PLD5: variants seen among roughly 807,000 people sequenced by gnomAD.
PLD5 encodes the protein inactive phospholipase D5.
Under a neutral mutation model 61.1 loss-of-function variants are expected in PLD5, and 36 were observed. The observed-to-expected ratio is 0.59, with a 90% CI of 0.45 to 0.78. The LOEUF (loss-of-function observed/expected upper bound fraction) is 0.78, where lower values mean the gene tolerates loss of function less well. PLD5 is among the 30% of genes least tolerant of loss of function. PLD5 has a pLI of 0.00. For synonymous variants in PLD5, 243 were observed against 242.8 expected, an observed-to-expected ratio of 1.00 and a Z score of -0.01; for missense variants, 515 against 644.4, an observed-to-expected ratio of 0.80 and a Z score of 2.17.
At chr1:242,384,583 C>T (rs1184369672) in intron 1 of PLD5, among the ~76,000 whole-genome samples, 2 of 152,188 alleles carry the variant, frequency 1.3e-5, no homozygotes, top group Non-Finnish European at 2.9e-5. Context: ...AATGACGCTT[C>T]GTCTTATTCA....
chr1:242,094,666 A>G (rs1660087191), intron 9 of PLD5, among the ~76,000 whole-genome samples: 1 of 152,138 alleles, frequency 6.6e-6, no homozygotes, highest in Non-Finnish European at 1.5e-5. Flanking sequence ...TTAAAAATGT[A>G]TTATAGAGGG....
intron 1 of PLD5, among the ~76,000 whole-genome samples, chr1:242,484,401 C>A (rs1319848034): frequency 6.6e-6 from 1 of 152,140 alleles, no homozygotes; most frequent in Non-Finnish European, 1.5e-5. Flanking sequence ...CACAGAAATA[C>A]AAACTACCAT....
intron 1 of PLD5, among the ~76,000 whole-genome samples, chr1:242,502,155 T>C (rs567711128): frequency 8.3e-4 from 126 of 152,270 alleles, no homozygotes; most frequent in Non-Finnish European, 1.4e-3. Context: ...CACATCTAAC[T>C]CTTGTTAGAC....
chr1:242,132,881 T>G (rs1431756326), intron 5 of PLD5, among the ~76,000 whole-genome samples: 1 of 152,110 alleles, frequency 6.6e-6, no homozygotes, highest in Non-Finnish European at 1.5e-5. Context: ...TTAAGGATAC[T>G]GATGAGGCAG....
At chr1:242,166,423 C>A (rs76222201) in intron 5 of PLD5, among the ~76,000 whole-genome samples, 1,744 of 151,598 alleles carry the variant, frequency 0.012, 38 homozygotes, top group East Asian at 0.06. Flanking sequence ...GTTAGCTGGG[C>A]CCTCTCAAAA....
intron 5 of PLD5, among the ~76,000 whole-genome samples, chr1:242,160,034 T>C (rs1665701379): frequency 6.6e-6 from 1 of 151,954 alleles, no homozygotes; most frequent in Non-Finnish European, 1.5e-5. Context: ...TTGAGATAGA[T>C]AGGGTCTTGC....
intron 3 of PLD5, among the ~76,000 whole-genome samples, chr1:242,274,649 G>T (rs1185211457): frequency 6.6e-6 from 1 of 152,146 alleles, no homozygotes; most frequent in East Asian, 1.9e-4. Context: ...AGCTACTCAG[G>T]AGGCTGAGGT....
intron 1 of PLD5, among the ~76,000 whole-genome samples, chr1:242,429,155 A>G (rs1293958345): frequency 6.6e-6 from 1 of 152,238 alleles, no homozygotes; most frequent in Admixed American, 6.5e-5. Context: ...ATTGAAATGA[A>G]AAGGAAAGCT....
At chr1:242,229,559 T>C (rs74225775) in intron 4 of PLD5, among the ~76,000 whole-genome samples, 16,536 of 152,234 alleles carry the variant, frequency 0.11, 1,171 homozygotes, top group South Asian at 0.25. Flanking sequence ...AATTGACATA[T>C]GTATGTGGCA....
chr1:242,474,890 G>T (rs1433842151), intron 1 of PLD5, among the ~76,000 whole-genome samples: 2 of 152,160 alleles, frequency 1.3e-5, no homozygotes, highest in African/African-American at 4.8e-5. Context: ...TACCCCTGTA[G>T]TTGGCTCACA....
intron 2 of PLD5, among the ~76,000 whole-genome samples, chr1:242,299,195 A>G (rs1675890834): frequency 6.6e-6 from 1 of 152,212 alleles, no homozygotes; most frequent in South Asian, 2.1e-4. Flanking sequence ...TATGAGATGT[A>G]TTGATACAGG....
chr1:242,270,525 A>G (rs1673998174), intron 3 of PLD5, among the ~76,000 whole-genome samples: 1 of 152,198 alleles, frequency 6.6e-6, no homozygotes, highest in Non-Finnish European at 1.5e-5. Flanking sequence ...CGGAAAAGGA[A>G]GGGGTATTCT....
chr1:242,350,797 C>T (rs1419681027), intron 1 of PLD5, among the ~76,000 whole-genome samples: 1 of 152,128 alleles, frequency 6.6e-6, no homozygotes, highest in Non-Finnish European at 1.5e-5. Flanking sequence ...TTTTCTTACT[C>T]CTCCCTCAAA....
At chr1:242,207,405 T>A (rs1669389212) in intron 5 of PLD5, among the ~76,000 whole-genome samples, 1 of 152,090 alleles carries the variant, frequency 6.6e-6, no homozygotes, top group East Asian at 1.9e-4. Context: ...GGCCTGTAGG[T>A]CTGACTCCAC....
At chr1:242,471,749 G>C (rs1354397502) in intron 1 of PLD5, among the ~76,000 whole-genome samples, 3 of 152,078 alleles carry the variant, frequency 2.0e-5, no homozygotes, top group African/African-American at 4.8e-5. Flanking sequence ...GATGAACTAT[G>C]ACTATTTTGG....
chr1:242,411,231 T>TTTTTG (rs3033873), intron 1 of PLD5, among the ~76,000 whole-genome samples: 60,918 of 151,110 alleles, frequency 0.4, 12,862 homozygotes, highest in African/African-American at 0.53. Context: ...TGGTTTTGTT[T>TTTTTG]TTTTGTTTTG....
chr1:242,480,441 G>C (rs1667735087), intron 1 of PLD5, among the ~76,000 whole-genome samples: 1 of 151,880 alleles, frequency 6.6e-6, no homozygotes, highest in Non-Finnish European at 1.5e-5. Flanking sequence ...CTTTGGGGTA[G>C]GCAAAAGTTT....
At chr1:242,518,503 A>G (rs1356651958) in intron 1 of PLD5, among the ~76,000 whole-genome samples, 1 of 152,222 alleles carries the variant, frequency 6.6e-6, no homozygotes, top group African/African-American at 2.4e-5. Context: ...GTAAGAGAAC[A>G]TAACTTATTA....
At chr1:242,269,972 T>A (rs1673960525) in intron 3 of PLD5, among the ~76,000 whole-genome samples, 2 of 152,118 alleles carry the variant, frequency 1.3e-5, no homozygotes, top group Admixed American at 1.3e-4. Context: ...GACTGGTGGG[T>A]CATAAATACT....
Sources: allele counts gnomAD v4.1 joint callset (sites outside exome capture counted in the v4.1 genomes callset), GRCh38; gene constraint gnomAD v4.1.1; transcripts MANE v1.5; gene names NCBI Gene and HGNC (gene_info 2026-07-23, HGNC 2026-07-21).